The following SRFBP1 variants were observed in gnomAD, a reference collection of about 807,000 sequenced individuals.
The protein encoded by SRFBP1 is serum response factor-binding protein 1.
Under a neutral mutation model 45.5 loss-of-function variants are expected in SRFBP1, and 47 were observed. The ratio of observed to expected loss-of-function variants is 1.03; its 90% CI spans 0.82 to 1.32. The LOEUF is 1.32. SRFBP1 is among the 40% of genes most tolerant of loss of function. The pLI is 0.00. For synonymous variants in SRFBP1, 203 were observed against 166.3 expected, an observed-to-expected ratio of 1.22 and a Z score of -1.70; for missense variants, 621 against 484.6, an observed-to-expected ratio of 1.28 and a Z score of -2.64.
chr5:121,985,199 C>CCATATTAATTTCTATA (rs1752486359), intron 3 of SRFBP1, among the ~76,000 whole-genome samples: 1 of 151,804 alleles, frequency 6.6e-6, no homozygotes, highest in Non-Finnish European at 1.5e-5. Context: ...AGGAGGGACA[C>CCATATTAATTTCTATA]TTAGCACTGC....
intron 3 of SRFBP1, among the ~76,000 whole-genome samples, chr5:121,989,036 GAA>G (rs879776979): frequency 6.7e-6 from 1 of 149,490 alleles, no homozygotes. Flanking sequence ...ACATTTATCT[GAA>G]AAAAAAAGAT....
chr5:122,038,748 A>G (rs533799161), intron 2 of SRFBP1, among the ~76,000 whole-genome samples: 21 of 152,356 alleles, frequency 1.4e-4, no homozygotes, highest in African/African-American at 3.8e-4. Flanking sequence ...AATGTATGTA[A>G]TAGAATAGAC....
At chr5:122,005,457 A>G (rs1000104710) in intron 4 of SRFBP1, among the ~76,000 whole-genome samples, 2 of 152,114 alleles carry the variant, frequency 1.3e-5, no homozygotes, top group African/African-American at 2.4e-5. Flanking sequence ...AGTTACTCCT[A>G]CTGTCTTTTT....
At chr5:121,999,786 A>G (rs929585270) in intron 4 of SRFBP1, among the ~76,000 whole-genome samples, 1 of 152,050 alleles carries the variant, frequency 6.6e-6, no homozygotes, top group Non-Finnish European at 1.5e-5. Flanking sequence ...TTTACATTCA[A>G]TATCTTTCTC....
At chr5:122,029,762 CTG>C, downstream of SRFBP1, among the ~76,000 whole-genome samples, 1 of 152,242 alleles carries the variant, frequency 6.6e-6, no homozygotes, top group East Asian at 1.9e-4. Flanking sequence ...TGTCTGAAAA[CTG>C]TTGTTTGGTG....
chr5:121,990,825 A>G (rs1752606801), intron 3 of SRFBP1, among the ~76,000 whole-genome samples: 1 of 152,160 alleles, frequency 6.6e-6, no homozygotes, highest in South Asian at 2.1e-4. Context: ...TACATGTCTT[A>G]TTGCCTGACC....
At chr5:121,983,310 G>C (rs1752449668) in intron 3 of SRFBP1, among the ~76,000 whole-genome samples, 2 of 151,702 alleles carry the variant, frequency 1.3e-5, no homozygotes, top group Admixed American at 6.6e-5. Context: ...ATACAGAAGT[G>C]TTCTATTTAG....
At chr5:122,046,908 G>T (rs955402640) in intron 2 of SRFBP1, among the ~76,000 whole-genome samples, 4 of 152,044 alleles carry the variant, frequency 2.6e-5, no homozygotes. Flanking sequence ...TTTTTTTCTT[G>T]TAAATTTGTT....
At chr5:122,001,594 G>A (rs1193633958) in intron 4 of SRFBP1, among the ~76,000 whole-genome samples, 3 of 125,868 alleles carry the variant, frequency 2.4e-5, no homozygotes, top group Admixed American at 1.0e-4. Flanking sequence ...TCGCTCTGTC[G>A]CCCAGGCCGG....
chr5:122,061,317 T>C (rs1378681457), intron 2 of SRFBP1, among the ~76,000 whole-genome samples: 1 of 151,894 alleles, frequency 6.6e-6, no homozygotes, highest in Non-Finnish European at 1.5e-5. Flanking sequence ...GGTATGTAAA[T>C]TGAGAACTGG....
chr5:122,057,009 T>C (rs1337473393), intron 2 of SRFBP1, among the ~76,000 whole-genome samples: 7 of 152,098 alleles, frequency 4.6e-5, no homozygotes, highest in Non-Finnish European at 1.0e-4. Context: ...TTACAGGAAA[T>C]TGAGAAACCA....
At chr5:122,010,596 T>C (rs990841635) in intron 4 of SRFBP1, among the ~76,000 whole-genome samples, 1 of 151,764 alleles carries the variant, frequency 6.6e-6, no homozygotes, top group African/African-American at 2.4e-5. Flanking sequence ...TGATAAGTGA[T>C]TAGCTTGAAT....
intron 2 of SRFBP1, among the ~76,000 whole-genome samples, chr5:122,072,375 T>C (rs1754475461): frequency 6.6e-6 from 1 of 152,204 alleles, no homozygotes; most frequent in Non-Finnish European, 1.5e-5. Flanking sequence ...GAATGTTAGC[T>C]GAGGCTCTCT....
downstream of SRFBP1, chr5:122,077,092 C>A: frequency 2.0e-6 from 3 of 1,537,222 alleles, no homozygotes; most frequent in Non-Finnish European, 8.7e-7. The surrounding 1 kb of genome is among the most constrained non-coding windows in gnomAD (Gnocchi z 4.9). Context: ...TACTCCTCAC[C>A]CTTCGCCCAC....
At chr5:122,019,892 G>C (rs779768521) in intron 5 of SRFBP1, among the ~76,000 whole-genome samples, 196 bp from the exon 6 acceptor site, 19 of 152,022 alleles carry the variant, frequency 1.2e-4, no homozygotes, top group Non-Finnish European at 2.2e-4. Flanking sequence ...AAATGAATAC[G>C]TCTGAGCATA....
chr5:122,043,052 T>C (rs1351001933), intron 2 of SRFBP1, among the ~76,000 whole-genome samples: 1 of 152,146 alleles, frequency 6.6e-6, no homozygotes, highest in Non-Finnish European at 1.5e-5. Flanking sequence ...AATTTTTCCT[T>C]GTCTCCATCC....
intron 4 of SRFBP1, among the ~76,000 whole-genome samples, chr5:122,017,364 C>T (rs1361174704): frequency 6.6e-6 from 1 of 152,170 alleles, no homozygotes; most frequent in Non-Finnish European, 1.5e-5. Flanking sequence ...CTACTGGTGG[C>T]TGATGCCAGG....
intron 4 of SRFBP1, among the ~76,000 whole-genome samples, chr5:122,010,601 T>G (rs769598430): frequency 6.6e-6 from 1 of 151,298 alleles, no homozygotes; most frequent in Non-Finnish European, 1.5e-5. Flanking sequence ...AGTGATTAGC[T>G]TGAATGATTA....
intron 1 of SRFBP1, among the ~76,000 whole-genome samples, chr5:121,968,464 G>A (rs1490859450): frequency 6.6e-6 from 1 of 151,950 alleles, no homozygotes; most frequent in Non-Finnish European, 1.5e-5. Flanking sequence ...TGTTGGTGGG[G>A]GGGACTACTG....
Sources: gnomAD v4.1 joint callset for allele counts (sites outside exome capture counted in the v4.1 genomes callset) on GRCh38, gnomAD v4.1.1 for gene constraint, Gnocchi (gnomAD v3.1) non-coding constraint, MANE v1.5 for transcripts, NCBI Gene and HGNC (gene_info 2026-07-23, HGNC 2026-07-21) for gene names.